Variants in MTUS2 observed in about 807,000 individuals in gnomAD.
The protein encoded by MTUS2 is microtubule associated scaffold protein 2, also known as microtubule-associated tumor suppressor candidate 2.
Under a neutral mutation model 114.1 loss-of-function variants are expected in MTUS2, and 40 were observed. That is an observed-to-expected ratio of 0.35 (90% confidence interval 0.27 to 0.46). MTUS2 has a LOEUF of 0.46. MTUS2 is among the 20% of genes least tolerant of loss of function. MTUS2 has a pLI of 1.00. For synonymous variants in MTUS2, 688 were observed against 672.0 expected, an observed-to-expected ratio of 1.02 and a Z score of -0.37; for missense variants, 1,679 against 1,705.4, an observed-to-expected ratio of 0.98 and a Z score of 0.27.
At chr13:29,131,814 A>C (rs1340415825) in intron 5 of MTUS2, among the ~76,000 whole-genome samples, 1 of 152,216 alleles carries the variant, frequency 6.6e-6, no homozygotes, top group Non-Finnish European at 1.5e-5. Flanking sequence ...TTTGGAAAAC[A>C]CCAGTTTGTT....
intron 9 of MTUS2, among the ~76,000 whole-genome samples, chr13:29,441,764 G>C (rs777125058): frequency 6.6e-5 from 10 of 152,100 alleles, no homozygotes; most frequent in Admixed American, 1.3e-4. Flanking sequence ...TCCCGTGCAT[G>C]CACACATTGT....
intron 2 of MTUS2, among the ~76,000 whole-genome samples, chr13:28,892,933 T>A (rs1433015680): frequency 6.6e-6 from 1 of 152,090 alleles, no homozygotes; most frequent in Non-Finnish European, 1.5e-5. Flanking sequence ...ATGGTGGGAA[T>A]GATTTTTTTT....
intron 2 of MTUS2, among the ~76,000 whole-genome samples, chr13:28,911,192 T>G (rs1219561900): frequency 2.0e-5 from 3 of 146,708 alleles, no homozygotes; most frequent in African/African-American, 5.1e-5. Flanking sequence ...TTTTTTTTTT[T>G]TTCAGATGGA....
intron 5 of MTUS2, among the ~76,000 whole-genome samples, chr13:29,203,215 A>G (rs1459026615): frequency 1.3e-5 from 2 of 152,178 alleles, no homozygotes. Flanking sequence ...CTGCCCAGAG[A>G]GGAGGAATCT....
At chr13:29,033,778 A>G in intron 3 of MTUS2, 107 bp from the exon 4 acceptor site, 1 of 1,366,088 alleles carries the variant, frequency 7.3e-7, no homozygotes, top group Non-Finnish European at 1.0e-6. Context: ...TCAAGCAGCT[A>G]AGTGGTACCA....
Position 28,893,898 on chromosome 13 carries a change from A to C in MTUS2, c.-243+54048A>C, listed in dbSNP as rs1593277021. Among the ~76,000 whole-genome samples the C allele has an allele frequency of 1.3e-5, 2 of 152,338 alleles. 1 individual carries two copies. Among genetic ancestry groups the C allele is most frequent in the African/African-American group, 4.8e-5 (2 of 41,580 alleles). On this transcript the variant is annotated intron_variant, in intron 2 of 15. Transcript: ENST00000612955. ...GAAATATGTTGTAAAGCTAGGCACC[A>C]GATCGACATTGTTTTGGTTTTGCTA...
At chr13:29,163,360 G>C (rs1335385233) in intron 5 of MTUS2, among the ~76,000 whole-genome samples, 1 of 152,154 alleles carries the variant, frequency 6.6e-6, no homozygotes, top group Non-Finnish European at 1.5e-5. Flanking sequence ...TGTATGAGCA[G>C]ATTGAGCCAT....
chr13:29,470,905 A>G (rs1230035768), intron 9 of MTUS2, among the ~76,000 whole-genome samples: 1 of 152,028 alleles, frequency 6.6e-6, no homozygotes, highest in Non-Finnish European at 1.5e-5. Flanking sequence ...TCTGTCATTC[A>G]AGTCTGTTTG....
At chr13:28,847,248 T>C (rs1875949565) in intron 2 of MTUS2, among the ~76,000 whole-genome samples, 1 of 152,186 alleles carries the variant, frequency 6.6e-6, no homozygotes, top group South Asian at 2.1e-4. Flanking sequence ...ATAAAGTCAA[T>C]ATCACTTGAG....
At chr13:29,286,098 G>T (rs77404082) in intron 6 of MTUS2, among the ~76,000 whole-genome samples, 1 of 152,070 alleles carries the variant, frequency 6.6e-6, no homozygotes, top group African/African-American at 2.4e-5. Flanking sequence ...GCAAATTTTT[G>T]TATTTTTAGT....
intron 9 of MTUS2, among the ~76,000 whole-genome samples, chr13:29,472,862 A>G (rs1468671789): frequency 1.3e-5 from 2 of 152,224 alleles, no homozygotes; most frequent in Non-Finnish European, 2.9e-5. Context: ...GATATTAAGA[A>G]TTCACACCAC....
At chr13:29,125,738 T>C (rs996093167) in intron 5 of MTUS2, among the ~76,000 whole-genome samples, 1 of 152,184 alleles carries the variant, frequency 6.6e-6, no homozygotes, top group African/African-American at 2.4e-5. Context: ...GCAAACTCTT[T>C]ATTTCATGAT....
intron 9 of MTUS2, among the ~76,000 whole-genome samples, chr13:29,477,865 C>G (rs1189104562): frequency 1.3e-5 from 2 of 151,998 alleles, no homozygotes; most frequent in Non-Finnish European, 2.9e-5. Context: ...TTCAGCATCA[C>G]CATGTAATAA....
intron 8 of MTUS2, among the ~76,000 whole-genome samples, chr13:29,419,720 C>A (rs575993095): frequency 1.4e-4 from 21 of 152,274 alleles, no homozygotes; most frequent in African/African-American, 4.8e-4. Flanking sequence ...GTCAGCCCTG[C>A]AGTTAAAAGG....
Position 29,504,121 on chromosome 13 carries a change from G to A in MTUS2, c.*915G>A, listed in dbSNP as rs1883082943. On this transcript the variant is annotated 3_prime_UTR_variant, in exon 16 of 16. Transcript: ENST00000612955. ...GGCAGAGCATGACCTTTGAGTAAGA[G>A]TGAGGATGACCTTGCAGATGACTGT... 1 of 232,198 alleles carries A rather than the reference G, an allele frequency of 4.3e-6. No individual in the cohort carries two copies. The highest frequency in any genetic ancestry group is 6.1e-5 in the East Asian group (1 of 16,420). The allele number at this position is 232,198 out of a possible 1,614,324, so 14.4% of individuals were successfully genotyped here.
intron 8 of MTUS2, among the ~76,000 whole-genome samples, chr13:29,412,849 G>A (rs997810369): frequency 6.6e-6 from 1 of 152,246 alleles, no homozygotes; most frequent in Admixed American, 6.5e-5. Context: ...CTATGATCAT[G>A]TCATGTATTG....
At chr13:29,292,453 G>A (rs1379317005) in intron 6 of MTUS2, among the ~76,000 whole-genome samples, 1 of 152,138 alleles carries the variant, frequency 6.6e-6, no homozygotes, top group African/African-American at 2.4e-5. Context: ...AGGCGACTTG[G>A]ATTCAAAGAT....
At chr13:28,873,537 C>T (rs1877749463) in intron 2 of MTUS2, among the ~76,000 whole-genome samples, 1 of 152,246 alleles carries the variant, frequency 6.6e-6, no homozygotes, top group South Asian at 2.1e-4. Context: ...AGTTCCCACT[C>T]AGACTTTTTG....
chr13:29,196,996 G>T (rs1047415091), intron 5 of MTUS2, among the ~76,000 whole-genome samples: 1 of 152,052 alleles, frequency 6.6e-6, no homozygotes, highest in African/African-American at 2.4e-5. Flanking sequence ...TGGACTATAT[G>T]GTAGTTCTGT....
Sources: gnomAD v4.1 joint callset for allele counts (sites outside exome capture counted in the v4.1 genomes callset) on GRCh38, gnomAD v4.1.1 for gene constraint, MANE v1.5 for transcripts, NCBI Gene and HGNC (gene_info 2026-07-23, HGNC 2026-07-21) for gene names.